Variants in CPED1 observed in about 807,000 individuals in gnomAD.
CPED1 encodes the protein cadherin-like and PC-esterase domain-containing protein 1.
CPED1 carries 114 observed loss-of-function variants against 128.2 expected under a neutral mutation model. The ratio of observed to expected loss-of-function variants is 0.89; its 90% CI spans 0.76 to 1.04. The LOEUF (loss-of-function observed/expected upper bound fraction) is 1.04, where lower values mean the gene tolerates loss of function less well. Ranked by LOEUF, CPED1 falls within the 50% of genes least tolerant of loss-of-function variation. The probability of loss-of-function intolerance (pLI) is 0.00; values close to 1 mark genes in which losing one functional copy is unlikely to be tolerated. For missense variants in CPED1, 1,211 were observed against 1,207.1 expected (o/e 1.00, Z -0.05); for synonymous variants, 462 against 426.7 (o/e 1.08, Z -1.02).
chr7:121,108,250 C>A (rs1375899980), intron 7 of CPED1, among the ~76,000 whole-genome samples: 1 of 152,064 alleles, frequency 6.6e-6, no homozygotes, highest in Non-Finnish European at 1.5e-5. Context: ...TATTTTATAA[C>A]CCATACTTAC....
intron 2 of CPED1, among the ~76,000 whole-genome samples, chr7:120,991,930 C>T (rs1796316321): frequency 6.6e-6 from 1 of 152,104 alleles, no homozygotes; most frequent in South Asian, 2.1e-4. Context: ...ATGCCAGCCC[C>T]TGGATTAAAG....
intron 7 of CPED1, among the ~76,000 whole-genome samples, chr7:121,115,779 A>G (rs1795221888): frequency 6.6e-6 from 1 of 152,218 alleles, no homozygotes; most frequent in Non-Finnish European, 1.5e-5. Context: ...TGGAAGTTCA[A>G]AGAAGGCTTG....
At chr7:121,043,674 C>A (rs1282519375) in intron 3 of CPED1, among the ~76,000 whole-genome samples, 1 of 152,076 alleles carries the variant, frequency 6.6e-6, no homozygotes, top group African/African-American at 2.4e-5. Context: ...GGGTAAGAGA[C>A]CATGGCAAAC....
chr7:121,183,775 A>G (rs1796945441), intron 16 of CPED1, among the ~76,000 whole-genome samples: 1 of 152,178 alleles, frequency 6.6e-6, no homozygotes, highest in African/African-American at 2.4e-5. Flanking sequence ...AAAGCACAGA[A>G]TTAGTTTAAG....
Position 121,125,841 on chromosome 7 carries a change from T to G in CPED1, c.1083T>G (p.Leu361=), listed in dbSNP as rs769247392. ...TFHRCRFCFQ[L]LTFDIGYGSF... is the part of the protein sequence containing the mutation. The stretch of plus-strand genomic sequence containing the variant: ...TTAGATGCAGATTCTGCTTTCAACT[T>G]CTAACTTTTGATATTGGTTATGGCA... Residue 361 remains leucine (L), a synonymous_variant, in exon 9 of 23, where the codon CTT becomes CTG. Transcript: ENST00000310396. 5 of 1,613,394 alleles carry G rather than the reference T, an allele frequency of 3.1e-6. No homozygotes were observed. In the East Asian group the frequency reaches 8.9e-5, roughly 29 times the overall value.
chr7:121,225,693 C>T (rs1233805513), intron 16 of CPED1, among the ~76,000 whole-genome samples: 2 of 152,030 alleles, frequency 1.3e-5, no homozygotes, highest in Non-Finnish European at 2.9e-5. Flanking sequence ...ACTCTTTTTT[C>T]TCTAACCTTG....
At chr7:121,112,356 AAGTC>A (rs1224254773) in intron 7 of CPED1, among the ~76,000 whole-genome samples, 3 of 152,180 alleles carry the variant, frequency 2.0e-5, no homozygotes, top group Non-Finnish European at 2.9e-5. Flanking sequence ...TTATAAGAGA[AAGTC>A]AGAGAGAGAT....
intron 18 of CPED1, among the ~76,000 whole-genome samples, chr7:121,247,034 T>G (rs549157837): frequency 9.2e-5 from 14 of 152,330 alleles, no homozygotes; most frequent in Admixed American, 7.2e-4. Flanking sequence ...CATTATCCAT[T>G]TTTAACAGAG....
At chr7:121,194,882 C>T (rs909097095) in intron 16 of CPED1, 2 of 152,232 alleles carry the variant, frequency 1.3e-5, no homozygotes, top group African/African-American at 4.8e-5. Context: ...GATCCTCTTG[C>T]CTCAGCCTCC....
intron 22 of CPED1, among the ~76,000 whole-genome samples, chr7:121,293,325 C>T (rs1211096255): frequency 6.6e-6 from 1 of 152,154 alleles, no homozygotes; most frequent in Non-Finnish European, 1.5e-5. Flanking sequence ...ACTGCCTACT[C>T]AAGCCTCAGT....
chr7:121,261,269 T>C (rs1792010656), intron 18 of CPED1, among the ~76,000 whole-genome samples: 2 of 152,108 alleles, frequency 1.3e-5, no homozygotes, highest in African/African-American at 4.8e-5. Flanking sequence ...ATATTATTCA[T>C]CTCAGAAAAC....
chr7:121,113,792 C>T (rs1316749372), intron 7 of CPED1, among the ~76,000 whole-genome samples: 2 of 152,066 alleles, frequency 1.3e-5, no homozygotes, highest in Non-Finnish European at 2.9e-5. Context: ...TGTCATTTTA[C>T]ACTTCTGAAT....
At chr7:121,160,198 T>A (rs1335218870) in intron 16 of CPED1, among the ~76,000 whole-genome samples, 2 of 152,132 alleles carry the variant, frequency 1.3e-5, no homozygotes, top group East Asian at 3.8e-4. Context: ...AAATGCTAAA[T>A]GCATCATTAC....
intron 4 of CPED1, chr7:121,051,310 C>G (rs1165480439): frequency 4.4e-6 from 2 of 459,244 alleles, no homozygotes; most frequent in Non-Finnish European, 8.3e-6. Flanking sequence ...TTTAGTAGCT[C>G]TAGAAACATT....
At chr7:121,282,715 T>A (rs1792486972) in intron 22 of CPED1, among the ~76,000 whole-genome samples, 2 of 152,226 alleles carry the variant, frequency 1.3e-5, no homozygotes, top group African/African-American at 4.8e-5. Flanking sequence ...GCACTAAGTC[T>A]TTTGAATGTA....
chr7:121,232,997 A>G (rs922585411), intron 16 of CPED1, among the ~76,000 whole-genome samples: 1 of 152,074 alleles, frequency 6.6e-6, no homozygotes, highest in Non-Finnish European at 1.5e-5. Flanking sequence ...TTGTGGACAA[A>G]TAATTCTGTA....
chr7:121,180,317 C>T (rs930311907), intron 16 of CPED1, among the ~76,000 whole-genome samples: 5 of 151,932 alleles, frequency 3.3e-5, no homozygotes, highest in African/African-American at 7.2e-5. Flanking sequence ...AGGTAACACA[C>T]AAATGGATTC....
intron 7 of CPED1, among the ~76,000 whole-genome samples, chr7:121,102,088 T>C (rs1794863475): frequency 6.6e-6 from 1 of 152,228 alleles, no homozygotes; most frequent in African/African-American, 2.4e-5. Context: ...AAAAACTATG[T>C]ATATTTTTAT....
At chr7:121,161,584 C>T (rs1287198796) in intron 16 of CPED1, among the ~76,000 whole-genome samples, 1 of 152,146 alleles carries the variant, frequency 6.6e-6, no homozygotes, top group Non-Finnish European at 1.5e-5. Flanking sequence ...TTAGTGTTTG[C>T]TTGAATAACT....
Sources: gnomAD v4.1 joint callset for allele counts (sites outside exome capture counted in the v4.1 genomes callset) on GRCh38, gnomAD v4.1.1 for gene constraint, MANE v1.5 for transcripts, NCBI Gene and HGNC (gene_info 2026-07-23, HGNC 2026-07-21) for gene names.